FHIT: variants seen among roughly 807,000 people sequenced by gnomAD.
The protein encoded by FHIT is fragile histidine triad diadenosine triphosphatase, also known as bis(5'-adenosyl)-triphosphatase.
A neutral mutation model predicts 17.9 loss-of-function variants in FHIT; 19 were observed. That is an observed-to-expected ratio of 1.06 (90% CI 0.74 to 1.56). The LOEUF (loss-of-function observed/expected upper bound fraction) is 1.56, where lower values mean the gene tolerates loss of function less well. FHIT is among the 40% of genes most tolerant of loss of function. The pLI, the probability that FHIT is intolerant of heterozygous loss-of-function variation, is 0.00. For missense variants in FHIT, 248 were observed against 189.2 expected, an observed-to-expected ratio of 1.31 and a Z score of -1.82; for synonymous variants, 81 against 69.7, an observed-to-expected ratio of 1.16 and a Z score of -0.81.
intron 3 of FHIT, among the ~76,000 whole-genome samples, chr3:60,990,145 T>C (rs1007973863): frequency 8.5e-5 from 13 of 152,090 alleles, no homozygotes; most frequent in Non-Finnish European, 1.5e-4. Flanking sequence ...GAGCAATGGG[T>C]TGCAAGTCCC....
chr3:60,802,453 C>A, intron 4 of FHIT, among the ~76,000 whole-genome samples: 1 of 152,060 alleles, frequency 6.6e-6, no homozygotes, highest in Admixed American at 6.6e-5. Context: ...GTAAAAGCAA[C>A]ACGTTGCCCT....
intron 4 of FHIT, among the ~76,000 whole-genome samples, chr3:60,582,206 C>G (rs1317037439): frequency 6.6e-6 from 1 of 151,852 alleles, no homozygotes; most frequent in Non-Finnish European, 1.5e-5. Context: ...TTTTAAGCTT[C>G]TTAGTTTTTA....
intron 4 of FHIT, among the ~76,000 whole-genome samples, chr3:60,760,172 T>C (rs1291675338): frequency 6.6e-6 from 1 of 152,182 alleles, no homozygotes; most frequent in African/African-American, 2.4e-5. Flanking sequence ...AATTGTCTAG[T>C]AGGGAGAGGA....
chr3:61,147,162 AG>A (rs1190991520), intron 2 of FHIT, among the ~76,000 whole-genome samples: 9 of 152,038 alleles, frequency 5.9e-5, no homozygotes, highest in African/African-American at 2.2e-4. Flanking sequence ...AGGTTATTTA[AG>A]GGTACACCCA....
At chr3:59,956,852 C>A (rs1707428350) in intron 7 of FHIT, among the ~76,000 whole-genome samples, 1 of 152,168 alleles carries the variant, frequency 6.6e-6, no homozygotes, top group Admixed American at 6.5e-5. Flanking sequence ...TCAAAAATCC[C>A]TATCATCCTT....
chr3:60,960,116 T>C (rs1314503171), intron 3 of FHIT, among the ~76,000 whole-genome samples: 1 of 152,118 alleles, frequency 6.6e-6, no homozygotes, highest in Non-Finnish European at 1.5e-5. Context: ...AAAAAGATAC[T>C]ACTTGAATAA....
chr3:60,693,413 A>G (rs1344146246), intron 4 of FHIT, among the ~76,000 whole-genome samples: 1 of 152,130 alleles, frequency 6.6e-6, no homozygotes, highest in Non-Finnish European at 1.5e-5. Flanking sequence ...GTTTCTCTCT[A>G]TCTAGATAGG....
chr3:61,117,038 T>A (rs2036318401), intron 2 of FHIT, among the ~76,000 whole-genome samples: 1 of 152,132 alleles, frequency 6.6e-6, no homozygotes, highest in African/African-American at 2.4e-5. Context: ...TACCAACTAG[T>A]TTACAGTACA....
chr3:60,502,681 A>T (rs1184269558), intron 5 of FHIT, among the ~76,000 whole-genome samples: 3 of 152,212 alleles, frequency 2.0e-5, no homozygotes, highest in African/African-American at 7.2e-5. Context: ...TAGAACAGAC[A>T]GCTAGATCCT....
At chr3:59,910,777 A>G (rs1379070684) in intron 8 of FHIT, among the ~76,000 whole-genome samples, 1 of 152,214 alleles carries the variant, frequency 6.6e-6, no homozygotes, top group Non-Finnish European at 1.5e-5. Flanking sequence ...TATGTATGTA[A>G]ATAGGTTGCT....
intron 5 of FHIT, among the ~76,000 whole-genome samples, chr3:60,403,396 C>T (rs578039279): frequency 1.3e-5 from 2 of 152,226 alleles, no homozygotes; most frequent in Non-Finnish European, 2.9e-5. Context: ...ATGTGCACAT[C>T]GCTGCTGTCA....
intron 3 of FHIT, among the ~76,000 whole-genome samples, chr3:60,877,241 A>G (rs1246340862): frequency 2.0e-5 from 3 of 152,250 alleles, no homozygotes; most frequent in East Asian, 1.9e-4. Context: ...CAGGCTTGAC[A>G]CCCCTGCCTC....
chr3:60,288,603 G>C (rs2106642387), intron 5 of FHIT, among the ~76,000 whole-genome samples: 1 of 150,004 alleles, frequency 6.7e-6, no homozygotes, highest in South Asian at 2.1e-4. Context: ...GTGTGTGTGT[G>C]TGGAGGGGGG....
intron 8 of FHIT, among the ~76,000 whole-genome samples, chr3:59,900,564 G>A (rs985722541): frequency 1.1e-4 from 16 of 152,152 alleles, no homozygotes; most frequent in Non-Finnish European, 5.9e-5. Flanking sequence ...TCATTACCAT[G>A]TGTATATCCC....
chr3:59,762,364 G>A (rs895754415), intron 8 of FHIT, among the ~76,000 whole-genome samples: 4 of 152,146 alleles, frequency 2.6e-5, no homozygotes, highest in Non-Finnish European at 4.4e-5. Flanking sequence ...GGTCAAATAC[G>A]TCACTAAATT....
chr3:59,952,782 T>C (rs1707186120), intron 7 of FHIT, among the ~76,000 whole-genome samples: 1 of 152,140 alleles, frequency 6.6e-6, no homozygotes, highest in Admixed American at 6.5e-5. Flanking sequence ...GAGTCCTGGT[T>C]AGGATTTGGA....
intron 1 of FHIT, among the ~76,000 whole-genome samples, chr3:61,213,771 G>A (rs1363991873): frequency 2.6e-5 from 4 of 152,096 alleles, no homozygotes; most frequent in Admixed American, 2.0e-4. Flanking sequence ...GCTCTCCTGA[G>A]CAAATGTAAA....
In FHIT at chr3:61,223,253, T is replaced by TA. The variant is rs1328369795; in HGVS notation, c.-212-22589dup. 2.6e-5 allele frequency among the ~76,000 whole-genome samples: 4 copies of TA among 152,190 alleles called. 1 individual carries two copies. Among genetic ancestry groups the TA allele is most frequent in the Non-Finnish European group, 5.9e-5 (4 of 68,034 alleles). ...ACATGACAGACCACAGTTTGCATGA[T>TA]AGGCCAAGCAGCAGAACAGAGTTGA... On this transcript the variant is annotated intron_variant, in intron 1 of 9. Transcript: ENST00000492590.
At chr3:60,542,484 A>G (rs2036217066) in intron 4 of FHIT, among the ~76,000 whole-genome samples, 1 of 152,150 alleles carries the variant, frequency 6.6e-6, no homozygotes, top group Admixed American at 6.5e-5. Context: ...GTTTTTAATT[A>G]TTGAATGGTA....
Sources: allele counts gnomAD v4.1 joint callset (sites outside exome capture counted in the v4.1 genomes callset), GRCh38; gene constraint gnomAD v4.1.1; transcripts MANE v1.5; gene names NCBI Gene and HGNC (gene_info 2026-07-23, HGNC 2026-07-21).